The following SNRK variants were observed in gnomAD, a reference collection of about 807,000 sequenced individuals.
The protein encoded by SNRK is SNF related kinase.
Under a neutral mutation model 48.2 loss-of-function variants are expected in SNRK, and 3 were observed. The observed-to-expected ratio is 0.06, with a 90% confidence interval of 0.03 to 0.16. The LOEUF (loss-of-function observed/expected upper bound fraction) is 0.16, where lower values mean the gene tolerates loss of function less well. SNRK is among the 10% of genes least tolerant of loss of function. The pLI is 1.00. For synonymous variants in SNRK, 376 were observed against 366.1 expected (o/e 1.03, Z -0.31); for missense variants, 627 against 976.0 (o/e 0.64, Z 4.76).
intron 1 of SNRK, among the ~76,000 whole-genome samples, chr3:43,295,696 C>A (rs2090847296): frequency 6.6e-6 from 1 of 152,158 alleles, no homozygotes; most frequent in African/African-American, 2.4e-5. Context: ...ATATTAATAA[C>A]TCCTAGGAGG....
At position 43,348,436 on chromosome 3, in the gene SNRK, T is replaced by G; in HGVS notation, c.2177T>G (p.Leu726Arg). The change falls in exon 7 of 7, where the codon CTG (leucine) becomes CGG (arginine). Residue 726 changes from leucine (L) to arginine (R), a missense_variant. By Grantham distance (102) the Leu-to-Arg change is moderately radical. Coordinates refer to ENST00000296088, the MANE Select transcript of SNRK (RefSeq NM_017719.5). ...TELERIKSKN[L>R]KNNVLQLPLC... is the part of the protein sequence containing the mutation. ...TTGGAACGGATAAAGAGCAAGAACCTGAAAAATAACGTGCTGCAGCTACCT... is the reference window on the plus strand; with the variant it reads ...TTGGAACGGATAAAGAGCAAGAACCGGAAAAATAACGTGCTGCAGCTACCT... The G allele has an allele frequency of 6.2e-7, 1 of 1,611,998 alleles. No homozygotes were observed. The highest frequency in any genetic ancestry group is 1.3e-5 in the African/African-American group (1 of 74,886).
intron 5 of SNRK, among the ~76,000 whole-genome samples, chr3:43,341,138 A>T (rs1424530640): frequency 6.6e-6 from 1 of 151,344 alleles, no homozygotes; most frequent in Non-Finnish European, 1.5e-5. Flanking sequence ...AACCAAAGCC[A>T]GTTGTTTTTT....
At chr3:43,309,499 C>T (rs2090963027) in intron 3 of SNRK, among the ~76,000 whole-genome samples, 2 of 152,246 alleles carry the variant, frequency 1.3e-5, no homozygotes, top group South Asian at 4.1e-4. Flanking sequence ...GCCATGCCAA[C>T]CTTCAGCAAC....
intron 1 of SNRK, among the ~76,000 whole-genome samples, chr3:43,287,463 G>C (rs1450478548): frequency 6.6e-6 from 1 of 152,162 alleles, no homozygotes; most frequent in Non-Finnish European, 1.5e-5. Context: ...GTTTCATAGG[G>C]AGTTTCAGGC....
At chr3:43,288,366 A>G (rs899851968) in intron 1 of SNRK, among the ~76,000 whole-genome samples, 13 of 152,176 alleles carry the variant, frequency 8.5e-5, no homozygotes, top group Non-Finnish European at 1.6e-4. Context: ...TTAGTCTAAA[A>G]CATGCTAGAA....
chr3:43,329,416 T>C (rs140248917), intron 3 of SNRK, among the ~76,000 whole-genome samples: 3,791 of 151,452 alleles, frequency 0.025, 162 homozygotes, highest in African/African-American at 0.085. Flanking sequence ...CCAGCCTGGG[T>C]GACAGAGCGA....
At chr3:43,337,260 T>C (rs550220687) in intron 4 of SNRK, among the ~76,000 whole-genome samples, 2 of 149,952 alleles carry the variant, frequency 1.3e-5, no homozygotes, top group East Asian at 2.0e-4. Flanking sequence ...TTTTTAGTAG[T>C]GATGGGGTTT....
chr3:43,340,445 G>A lies in SNRK; in HGVS notation c.890G>A (p.Ser297Asn). The A allele has an allele frequency of 2.5e-6, 4 of 1,614,160 alleles. No homozygotes were observed. Among genetic ancestry groups the A allele is most frequent in the Non-Finnish European group, 3.4e-6 (4 of 1,180,020 alleles). ...AATCTCTCGGAAGAGGAGCACAACA[G>A]CATCATTCAGCGCATGGTGCTTGGG... ...YKNLSEEEHN[S>N]IIQRMVLGDI... The change falls in exon 5 of 7, where the codon AGC (serine) becomes AAC (asparagine). Residue 297 changes from serine to asparagine, a missense_variant. Physicochemically the swap from Ser to Asn is conservative, Grantham distance 46. Transcript: ENST00000296088.
At chr3:43,306,344 A>T (rs944704512) in intron 3 of SNRK, among the ~76,000 whole-genome samples, 4 of 152,118 alleles carry the variant, frequency 2.6e-5, no homozygotes, top group African/African-American at 9.7e-5. Flanking sequence ...AAATATTAAA[A>T]TCTGTCATTA....
chr3:43,298,116 C>T (rs889152206), intron 1 of SNRK, among the ~76,000 whole-genome samples: 2 of 152,128 alleles, frequency 1.3e-5, no homozygotes, highest in African/African-American at 4.8e-5. Context: ...TATATTAAGT[C>T]GTTTGATCCT....
chr3:43,335,151 G>C (rs994125207), intron 4 of SNRK, among the ~76,000 whole-genome samples: 3 of 151,998 alleles, frequency 2.0e-5, no homozygotes, highest in Non-Finnish European at 4.4e-5. Flanking sequence ...GGCTAATTCT[G>C]TTCTTCCTCT....
At chr3:43,306,927 C>T (rs543092601) in intron 3 of SNRK, among the ~76,000 whole-genome samples, 8 of 152,114 alleles carry the variant, frequency 5.3e-5, no homozygotes, top group Non-Finnish European at 8.8e-5. Context: ...ATTTCTGCTT[C>T]GGATACTATT....
intron 3 of SNRK, among the ~76,000 whole-genome samples, chr3:43,318,535 A>G (rs2125630477): frequency 8.4e-6 from 1 of 119,428 alleles, no homozygotes; most frequent in Non-Finnish European, 1.8e-5. Context: ...AGTTGAAAAT[A>G]TTAAATTTTC....
chr3:43,344,288 G>C (rs1225229900), intron 6 of SNRK, among the ~76,000 whole-genome samples: 1 of 152,016 alleles, frequency 6.6e-6, no homozygotes, highest in Admixed American at 6.6e-5. Flanking sequence ...CATGGAAAGG[G>C]CTTACTTTTT....
intron 1 of SNRK, among the ~76,000 whole-genome samples, chr3:43,291,076 G>A (rs924158153): frequency 6.6e-6 from 1 of 152,126 alleles, no homozygotes; most frequent in Non-Finnish European, 1.5e-5. Flanking sequence ...CCTTTAAGCT[G>A]GGCCCTAGAG....
rs2091299000 is a variant in SNRK at position 43,348,627 on chromosome 3, C to A, written c.*70C>A. 1 of 1,409,462 alleles carries A rather than the reference C, an allele frequency of 7.1e-7. No homozygotes were observed. The highest frequency in any genetic ancestry group is 1.7e-5 in the South Asian group (1 of 59,404). 87.3% of individuals were successfully genotyped at this position (1,409,462 alleles called of 1,614,324 possible). On this transcript the variant is annotated 3_prime_UTR_variant, in exon 7 of 7. Coordinates refer to ENST00000296088, the MANE Select transcript of SNRK (RefSeq NM_017719.5). Reference sequence around the variant, plus strand: ...TGAAGACCGGCTCACTTCACTGTTCCATTTGGTTTTACTATTTTAAAGTGG... The same window carrying A: ...TGAAGACCGGCTCACTTCACTGTTCAATTTGGTTTTACTATTTTAAAGTGG...
intron 6 of SNRK, among the ~76,000 whole-genome samples, chr3:43,345,943 T>G (rs1449743420): frequency 1.3e-5 from 2 of 152,178 alleles, no homozygotes; most frequent in Non-Finnish European, 2.9e-5. Flanking sequence ...CATTTAGAAT[T>G]ATTTCTAATT....
At chr3:43,329,632 A>G (rs543216996) in intron 3 of SNRK, among the ~76,000 whole-genome samples, 163 of 152,298 alleles carry the variant, frequency 1.1e-3, no homozygotes, top group African/African-American at 3.8e-3. Context: ...TAATTTTTTC[A>G]ATCTTTTAGC....
rs531215720 is a variant in SNRK at position 43,348,119 on chromosome 3, G to A, written c.1860G>A (p.Ser620=). The A allele has an allele frequency of 1.3e-5, 20 of 1,586,540 alleles. No individual in the cohort carries two copies. Among genetic ancestry groups the A allele is most frequent in the South Asian group, 7.0e-5 (6 of 86,264 alleles). The change falls in exon 7 of 7, where the codon TCG becomes TCA. Residue 620 remains serine (S), a synonymous_variant. Coordinates refer to ENST00000296088, the MANE Select transcript of SNRK (RefSeq NM_017719.5). ...CGGGTGGCAACCCCACCAATACATC[G>A]GGTACCACACGCCGCTGTGCCGGCC... is the stretch of plus-strand genomic sequence containing the variant. ...SGSGGNPTNT[S]GTTRRCAGPS...
Sources: gnomAD v4.1 joint callset for allele counts (sites outside exome capture counted in the v4.1 genomes callset) on GRCh38, gnomAD v4.1.1 for gene constraint, MANE v1.5 for transcripts, NCBI Gene and HGNC (gene_info 2026-07-23, HGNC 2026-07-21) for gene names.